SYNPO2: variants seen among roughly 807,000 people sequenced by gnomAD.
SYNPO2 encodes the protein synaptopodin 2.
In SYNPO2, 56 loss-of-function variants were observed where a neutral mutation model predicts 85.0. The ratio of observed to expected loss-of-function variants is 0.66; its 90% CI spans 0.53 to 0.82. The LOEUF is 0.82. Ranked by LOEUF, SYNPO2 falls within the 40% of genes least tolerant of loss-of-function variation. The pLI, the probability that SYNPO2 is intolerant of heterozygous loss-of-function variation, is 0.00. For synonymous variants in SYNPO2, 602 were observed against 591.1 expected (o/e 1.02, Z -0.27); for missense variants, 1,575 against 1,534.2 (o/e 1.03, Z -0.44).
At chr4:118,946,176 A>G (rs1387752117) in intron 1 of SYNPO2, among the ~76,000 whole-genome samples, 1 of 152,218 alleles carries the variant, frequency 6.6e-6, no homozygotes, top group Non-Finnish European at 1.5e-5. Flanking sequence ...AGAAAAAAAA[A>G]GGGAGGACGA....
intron 1 of SYNPO2, among the ~76,000 whole-genome samples, chr4:118,959,950 G>A (rs146277862): frequency 2.0e-4 from 30 of 152,252 alleles, no homozygotes; most frequent in East Asian, 9.6e-4. Context: ...AGGAACTTGC[G>A]CTGGAGAGGG....
At chr4:119,002,953 G>A (rs1241786723) in intron 1 of SYNPO2, among the ~76,000 whole-genome samples, 1 of 152,050 alleles carries the variant, frequency 6.6e-6, no homozygotes, top group Non-Finnish European at 1.5e-5. Context: ...TGAATTATTT[G>A]ATGACTTATT....
intron 1 of SYNPO2, among the ~76,000 whole-genome samples, chr4:118,907,410 T>A (rs1336100630): frequency 6.6e-6 from 1 of 152,230 alleles, no homozygotes; most frequent in Non-Finnish European, 1.5e-5. Context: ...TTATTAAAAC[T>A]GCTACAATAC....
At chr4:119,038,360 TTTTATTAGTA>T in intron 4 of SYNPO2, 1 of 926,858 alleles carries the variant, frequency 1.1e-6, no homozygotes, top group Non-Finnish European at 1.2e-6. Context: ...GAAGCATCTG[TTTTATTAGTA>T]AAAAAAAAAA....
At chr4:118,917,946 A>G (rs1408076659) in intron 1 of SYNPO2, among the ~76,000 whole-genome samples, 7 of 152,198 alleles carry the variant, frequency 4.6e-5, no homozygotes, top group Admixed American at 3.9e-4. Flanking sequence ...AAATTTTTAC[A>G]TTCTGTCACT....
chr4:118,876,486 C>T (rs1339760634), intron 1 of SYNPO2, among the ~76,000 whole-genome samples: 1 of 152,174 alleles, frequency 6.6e-6, no homozygotes, highest in Non-Finnish European at 1.5e-5. Flanking sequence ...CTGGCTTCTC[C>T]AGTAAAATGT....
chr4:118,981,678 C>T, intron 1 of SYNPO2, among the ~76,000 whole-genome samples: 1 of 152,124 alleles, frequency 6.6e-6, no homozygotes, highest in East Asian at 1.9e-4. Flanking sequence ...CAACTCATAG[C>T]CCACCCTAGT....
intron 1 of SYNPO2, among the ~76,000 whole-genome samples, chr4:118,943,670 G>C (rs1734399912): frequency 6.6e-6 from 1 of 152,084 alleles, no homozygotes; most frequent in Admixed American, 6.5e-5. Flanking sequence ...TTGGTTTTAG[G>C]AAAAAATTAA....
chr4:118,862,931 C>T (rs1731635882), intron 1 of SYNPO2, among the ~76,000 whole-genome samples: 1 of 152,104 alleles, frequency 6.6e-6, no homozygotes, highest in Non-Finnish European at 1.5e-5. Flanking sequence ...CTGCCTCAGC[C>T]TCCCGAGTAG....
chr4:118,927,585 G>A lies in SYNPO2; in HGVS notation c.105+38444G>A, dbSNP rs544307448. On this transcript the variant is annotated intron_variant, in intron 1 of 4. Coordinates refer to ENST00000307142, the MANE Select transcript of SYNPO2 (RefSeq NM_133477.3). ...TGAAATTTCATGTAAGAAAGAGAGAGAAAGAGGTATGTGCTTGAGTTTCAA... is the reference window on the plus strand; with the variant it reads ...TGAAATTTCATGTAAGAAAGAGAGAAAAAGAGGTATGTGCTTGAGTTTCAA... 1.9e-4 allele frequency among the ~76,000 whole-genome samples: 29 copies of A among 152,284 alleles called. 1 individual carries two copies. Among genetic ancestry groups the A allele is most frequent in the Admixed American group, 1.9e-3 (29 of 15,288 alleles).
chr4:118,921,926 C>T (rs1733553464), intron 1 of SYNPO2, among the ~76,000 whole-genome samples: 1 of 151,998 alleles, frequency 6.6e-6, no homozygotes, highest in Non-Finnish European at 1.5e-5. Context: ...AAATTAATTA[C>T]CTCATCTCAG....
chr4:118,950,859 A>T (rs1457026053), intron 1 of SYNPO2, among the ~76,000 whole-genome samples: 1 of 152,218 alleles, frequency 6.6e-6, no homozygotes, highest in Admixed American at 6.5e-5. Context: ...CATAAACTCG[A>T]TTGGTTGTGA....
rs186119176 is a variant in SYNPO2, at chr4:118,860,088, G to A, written c.12+9148G>A. On this transcript the variant is annotated intron_variant, in intron 1 of 4. Coordinates refer to the SYNPO2 transcript ENST00000610556. ...TCCTTGTCAGCATTTGTGACTGCCC[G>A]TCTTTTGGATAAAAGCCATTTTAAC... Among the ~76,000 whole-genome samples the A allele has an allele frequency of 1.9e-3, 295 of 152,218 alleles. 1 individual carries two copies. Among genetic ancestry groups the A allele is most frequent in the Non-Finnish European group, 3.4e-3 (228 of 68,016 alleles).
chr4:119,034,223 T>G, intron 4 of SYNPO2: 1 of 985,492 alleles, frequency 1.0e-6, no homozygotes. Flanking sequence ...AAAGATCATT[T>G]TTATAGCTTT....
chr4:118,916,729 C>CTTTTTTTTTTTTTTT (rs199715189), intron 1 of SYNPO2, among the ~76,000 whole-genome samples: 15 of 117,036 alleles, frequency 1.3e-4, no homozygotes, highest in African/African-American at 1.6e-4. Context: ...ATTTTTCTTT[C>CTTTTTTTTTTTTTTT]TTTTTTTTTT....
At chr4:118,884,247 A>C (rs1047052208), upstream of SYNPO2, among the ~76,000 whole-genome samples, 30 of 152,246 alleles carry the variant, frequency 2.0e-4, no homozygotes, top group Non-Finnish European at 3.7e-4. Context: ...TGGCATACCC[A>C]GAAAGACATA....
At chr4:118,965,059 G>A (rs78300132) in intron 1 of SYNPO2, among the ~76,000 whole-genome samples, 15,973 of 152,216 alleles carry the variant, frequency 0.1, 1,054 homozygotes, top group East Asian at 0.15. Flanking sequence ...TGTGCATCTT[G>A]TAGCTGTTCC....
In SYNPO2 at chr4:119,060,044, T is replaced by C. The variant is rs541700870; in HGVS notation, c.*2110T>C. On this transcript the variant is annotated 3_prime_UTR_variant, in exon 5 of 5. Coordinates refer to ENST00000307142, the MANE Select transcript of SYNPO2 (RefSeq NM_133477.3). The stretch of plus-strand genomic sequence containing the variant: ...CATTTTAGATTTGAATGTTTTAAGA[T>C]AGGAGAGACTTAGCAGAAAATACTT... 6.6e-6 allele frequency: 1 copy of C among 152,270 alleles called. No individual in the cohort carries two copies. Among genetic ancestry groups the C allele is most frequent in the South Asian group, 2.1e-4 (1 of 4,828 alleles). 9.4% of individuals were successfully genotyped at this position (152,270 alleles called of 1,614,324 possible).
At chr4:118,876,751 C>T (rs1731934545) in intron 1 of SYNPO2, among the ~76,000 whole-genome samples, 1 of 139,840 alleles carries the variant, frequency 7.2e-6, no homozygotes, top group Admixed American at 7.6e-5. Flanking sequence ...CTTTCTCTGT[C>T]TCTCTCTCTC....
Sources: allele counts gnomAD v4.1 joint callset (sites outside exome capture counted in the v4.1 genomes callset), GRCh38; gene constraint gnomAD v4.1.1; transcripts MANE v1.5; gene names NCBI Gene and HGNC (gene_info 2026-07-23, HGNC 2026-07-21).